Variants in IFT122 observed in about 807,000 individuals in gnomAD.
IFT122 encodes the protein intraflagellar transport protein 122 homolog.
In IFT122, 118 loss-of-function variants were observed where a neutral mutation model predicts 161.6. That is an observed-to-expected ratio of 0.73 (90% CI 0.63 to 0.85). The LOEUF is 0.85. Ranked by LOEUF, IFT122 falls within the 40% of genes least tolerant of loss-of-function variation. The pLI is 0.00. For synonymous variants in IFT122, 550 were observed against 602.4 expected, an observed-to-expected ratio of 0.91 and a Z score of 1.27; for missense variants, 1,381 against 1,579.6, an observed-to-expected ratio of 0.87 and a Z score of 2.13.
chr3:129,476,165 C>G (rs2077921286), intron 9 of IFT122, 150 bp from the exon 10 acceptor site: 1 of 799,966 alleles, frequency 1.3e-6, no homozygotes, highest in African/African-American at 1.7e-5. Context: ...GGCCTGTGTT[C>G]ACCATGGGAT....
chr3:129,490,018 A>G (rs1383141169), intron 16 of IFT122, among the ~76,000 whole-genome samples: 1 of 151,436 alleles, frequency 6.6e-6, no homozygotes, highest in Non-Finnish European at 1.5e-5. Flanking sequence ...TTATAAATAT[A>G]TATATTTTTA....
At chr3:129,472,334 T>A (rs532291502) in intron 9 of IFT122, among the ~76,000 whole-genome samples, 78 of 145,982 alleles carry the variant, frequency 5.3e-4, no homozygotes, top group African/African-American at 1.2e-3. Flanking sequence ...AAAAAAAAAA[T>A]TTTTTTTTTT....
Position 129,458,682 on chromosome 3 carries a change from G to A in IFT122, c.272+5G>A. On this transcript the variant is annotated splice_donor_5th_base_variant and intron_variant, in intron 4 of 29. Coordinates refer to ENST00000348417, the MANE Select transcript of IFT122 (RefSeq NM_052989.3). ...GGAAGGCATTCTGAAGTACACGTAA[G>A]TAACTTAGGTGTACAGTATTATGAG... is the stretch of plus-strand genomic sequence containing the variant. 1 of 1,594,850 alleles carries A rather than the reference G, an allele frequency of 6.3e-7. No individual in the cohort carries two copies. Among genetic ancestry groups the A allele is most frequent in the Non-Finnish European group, 8.6e-7 (1 of 1,162,510 alleles).
intron 14 of IFT122, 66 bp from the exon 15 acceptor site, chr3:129,483,419 A>T: frequency 7.2e-7 from 1 of 1,386,044 alleles, no homozygotes; most frequent in Non-Finnish European, 1.0e-6. Context: ...TATTGGGCTG[A>T]AATGTGTGAG....
chr3:129,464,859 CA>C (rs1460243318), intron 7 of IFT122, 78 bp downstream of exon 7: 2 of 1,484,686 alleles, frequency 1.3e-6, no homozygotes, highest in Non-Finnish European at 1.9e-6. Context: ...GGTCTCCCTA[CA>C]TTCAAAGGCT....
At chr3:129,469,539 G>T in intron 9 of IFT122, 122 bp downstream of exon 9, 1 of 809,082 alleles carries the variant, frequency 1.2e-6, no homozygotes, top group Non-Finnish European at 2.1e-6. Flanking sequence ...ATTTGCTGTG[G>T]TACCAGATAC....
chr3:129,462,918 T>C (rs2076340057), intron 5 of IFT122, among the ~76,000 whole-genome samples: 1 of 152,046 alleles, frequency 6.6e-6, no homozygotes, highest in African/African-American at 2.4e-5. Context: ...AAACTAGATT[T>C]TCAGAAAGCA....
In IFT122 at chr3:129,440,259, C is replaced by A; in HGVS notation, c.-72C>A. The A allele has an allele frequency of 2.6e-6, 4 of 1,540,288 alleles. No individual in the cohort carries two copies. In the South Asian group the frequency reaches 4.8e-5, roughly 18 times the overall value. On this transcript the variant is annotated 5_prime_UTR_variant, in exon 1 of 30. Transcript: ENST00000348417. ...GCCAAAGTGGCTTGTGGAGTGGCGA[C>A]CGTTAGTGAGGCGGTTGCTGAGACA...
rs138329739 is a variant in IFT122, at chr3:129,466,891, C to T, written c.565C>T (p.Arg189Ter). 4.4e-5 allele frequency: 71 copies of T among 1,613,516 alleles called. No individual in the cohort carries two copies. The highest frequency in any genetic ancestry group is 2.9e-4 in the African/African-American group (22 of 74,910). The change falls in exon 8 of 30, where the codon CGA becomes TGA. Residue 189 changes from arginine (R) to a stop codon, truncating the protein, a stop_gained and splice_region_variant. Transcript: ENST00000348417. LOFTEE classifies it high-confidence loss of function. Reference protein sequence around the residue: ...IWSICWNPSSRWESFWMNREN... With the variant: ...IWSICWNPSS ...TGAACAACTACTTACTGTCTACAGCCGATGGGAGAGTTTCTGGATGAACAG... is the reference window on the plus strand; with the variant it reads ...TGAACAACTACTTACTGTCTACAGCTGATGGGAGAGTTTCTGGATGAACAG...
intron 9 of IFT122, among the ~76,000 whole-genome samples, chr3:129,471,705 G>C (rs1559894989): frequency 1.3e-5 from 2 of 152,196 alleles, no homozygotes; most frequent in Non-Finnish European, 2.9e-5. Context: ...TTGTTTTCTT[G>C]CTGGGTGTCT....
intron 26 of IFT122, among the ~76,000 whole-genome samples, chr3:129,517,268 G>GCACGCGCGCGCACA (rs1553776446): frequency 6.8e-5 from 8 of 117,122 alleles, no homozygotes; most frequent in African/African-American, 2.3e-4. Flanking sequence ...CATTGCTCCT[G>GCACGCGCGCGCACA]CACACACACA....
chr3:129,469,339 T>G lies in IFT122; in HGVS notation c.741-3T>G, dbSNP rs1443849228. Reference sequence around the variant, plus strand: ...ATAACCTCTTTTATCTTCTGTTGATTAGAGAGGAACGTAATGACATCCTGG... The same window carrying G: ...ATAACCTCTTTTATCTTCTGTTGATGAGAGAGGAACGTAATGACATCCTGG... On this transcript the variant is annotated splice_polypyrimidine_tract_variant and splice_region_variant and intron_variant, in intron 8 of 29. Coordinates refer to ENST00000348417, the MANE Select transcript of IFT122 (RefSeq NM_052989.3). 1 of 1,612,932 alleles carries G rather than the reference T, an allele frequency of 6.2e-7. No homozygotes were observed. The highest frequency in any genetic ancestry group is 1.7e-5 in the Admixed American group (1 of 60,022).
At chr3:129,518,594 C>T (rs2084313735) in intron 27 of IFT122, among the ~76,000 whole-genome samples, 1 of 152,152 alleles carries the variant, frequency 6.6e-6, no homozygotes, top group Non-Finnish European at 1.5e-5. Context: ...GGGTGCTGTG[C>T]CCACTCCAAC....
chr3:129,467,983 C>T (rs530608819), intron 8 of IFT122, among the ~76,000 whole-genome samples: 8 of 152,334 alleles, frequency 5.3e-5, no homozygotes, highest in Admixed American at 1.3e-4. Context: ...ACTGATCCAT[C>T]TCACAGGGAC....
chr3:129,518,873 C>T (rs1381460739), intron 27 of IFT122, among the ~76,000 whole-genome samples: 1 of 152,242 alleles, frequency 6.6e-6, no homozygotes, highest in African/African-American at 2.4e-5. Flanking sequence ...ATGTGCTTCC[C>T]ACTGGCCCTG....
chr3:129,506,535 T>C lies in IFT122; in HGVS notation c.2777T>C (p.Leu926Pro), dbSNP rs755903501. Residue 926 changes from leucine (L) to proline (P), a missense_variant, in exon 22 of 30, where the codon CTC becomes CCC. Around this residue, in one of 7 missense-constraint regions of IFT122, gnomAD observed 496 missense variants for 502.5 expected, o/e 0.99. Transcript: ENST00000348417. ...YYYWMLSMQCLDIAQDPAQKD... is the reference protein window; with the variant it reads ...YYYWMLSMQCPDIAQDPAQKD... ...TACTGGATGCTGTCCATGCAGTGCC[T>C]CGATATAGCTCAAGGTGTGTAAACA... 6 of 1,614,206 alleles carry C rather than the reference T, an allele frequency of 3.7e-6. No homozygotes were observed. The Admixed American group carries it at 1.0e-4, about 27-fold the overall frequency.
At chr3:129,452,705 TG>T (rs1217594326) in intron 3 of IFT122, among the ~76,000 whole-genome samples, 1 of 152,206 alleles carries the variant, frequency 6.6e-6, no homozygotes, top group Admixed American at 6.5e-5. Flanking sequence ...TCAGTCAAAA[TG>T]GAACTACTGA....
rs2076873286 is a variant in IFT122, at chr3:129,466,979, T to G, written c.653T>G (p.Leu218Arg). 6.2e-7 allele frequency: 1 copy of G among 1,614,060 alleles called. No individual in the cohort carries two copies. The highest frequency in any genetic ancestry group is 8.5e-7 in the Non-Finnish European group (1 of 1,179,992). The change falls in exon 8 of 30, where the codon CTG (leucine) becomes CGG (arginine). Residue 218 changes from leucine to arginine, a missense_variant. Leu to Arg is a moderately radical substitution (Grantham distance 102). Coordinates refer to ENST00000348417, the MANE Select transcript of IFT122 (RefSeq NM_052989.3). Reference protein sequence around the residue: ...NRYIQEIPSTLKSAVYSSQGS... With the variant: ...NRYIQEIPSTRKSAVYSSQGS... ...TATATTCAGGAAATCCCTTCCACTCTGAAGTCAGCAGTGTACAGTAGTCAG... is the reference window on the plus strand; with the variant it reads ...TATATTCAGGAAATCCCTTCCACTCGGAAGTCAGCAGTGTACAGTAGTCAG...
Position 129,499,946 on chromosome 3 carries a change from C to T in IFT122, c.2253C>T (p.Ile751=). 2 of 1,614,208 alleles carry T rather than the reference C, an allele frequency of 1.2e-6. No individual in the cohort carries two copies. The highest frequency in any genetic ancestry group is 1.7e-5 in the Admixed American group (1 of 60,034). ...SGDPKETKML[I]TKQADWARNI... ...ACCCCAAAGAAACAAAGATGCTAAT[C>T]ACCAAACAGGCTGACTGGGCCAGAA... The change falls in exon 19 of 30, where the codon ATC becomes ATT. Residue 751 remains isoleucine, a synonymous_variant. Transcript: ENST00000348417.
Sources: gnomAD v4.1 joint callset for allele counts (sites outside exome capture counted in the v4.1 genomes callset) on GRCh38, gnomAD v4.1.1 for gene constraint, gnomAD v4.1.1 regional missense constraint, MANE v1.5 for transcripts, NCBI Gene and HGNC (gene_info 2026-07-23, HGNC 2026-07-21) for gene names.